Variants in PTPRN2 observed in about 807,000 individuals in gnomAD.
PTPRN2 encodes the protein protein tyrosine phosphatase receptor type N2, also known as receptor-type tyrosine-protein phosphatase N2.
In PTPRN2, 74 loss-of-function variants were observed where a neutral mutation model predicts 118.8. That is an observed-to-expected ratio of 0.62 (90% CI 0.52 to 0.76). The LOEUF (loss-of-function observed/expected upper bound fraction) is 0.76, where lower values mean the gene tolerates loss of function less well. Among genes scored for constraint, PTPRN2 ranks in the 30% least tolerant of loss-of-function variants. PTPRN2 has a pLI of 0.00. For missense variants in PTPRN2, 1,481 were observed against 1,394.4 expected, an observed-to-expected ratio of 1.06 and a Z score of -0.99; for synonymous variants, 641 against 608.0, an observed-to-expected ratio of 1.05 and a Z score of -0.80.
chr7:158,136,027 A>G (rs2150447403), intron 8 of PTPRN2, among the ~76,000 whole-genome samples: 2 of 152,308 alleles, frequency 1.3e-5, no homozygotes, highest in South Asian at 4.1e-4. Flanking sequence ...GCTCGTGGAC[A>G]TCGCCTGCGA....
At chr7:158,225,981 A>T (rs1325680913) in intron 3 of PTPRN2, among the ~76,000 whole-genome samples, 1 of 152,162 alleles carries the variant, frequency 6.6e-6, no homozygotes, top group Non-Finnish European at 1.5e-5. Flanking sequence ...GCATCTGTGC[A>T]CAGTGGGGAG....
chr7:157,555,558 C>T (rs76779935), intron 21 of PTPRN2, among the ~76,000 whole-genome samples: 2,758 of 152,330 alleles, frequency 0.018, 87 homozygotes, highest in African/African-American at 0.064. Flanking sequence ...GGGCCATCGT[C>T]GCCGTCTCCT....
intron 2 of PTPRN2, among the ~76,000 whole-genome samples, chr7:158,392,920 T>C (rs559254680): frequency 1.3e-5 from 2 of 152,276 alleles, no homozygotes; most frequent in South Asian, 2.1e-4. Context: ...AACAGGGTGA[T>C]GAGAACTCCT....
chr7:157,919,829 T>G (rs1415895044), intron 11 of PTPRN2, among the ~76,000 whole-genome samples: 2 of 152,208 alleles, frequency 1.3e-5, no homozygotes, highest in African/African-American at 2.4e-5. Flanking sequence ...CAAGTGGTGG[T>G]CCCATAAGAG....
chr7:158,281,129 C>A (rs1475438940), intron 3 of PTPRN2, among the ~76,000 whole-genome samples: 1 of 152,122 alleles, frequency 6.6e-6, no homozygotes, highest in Admixed American at 6.5e-5. Context: ...CATAGTGAAC[C>A]CCACCTCTAC....
chr7:158,402,721 A>G lies in PTPRN2; in HGVS notation c.164-85789T>C, dbSNP rs369199589. Among the ~76,000 whole-genome samples the G allele has an allele frequency of 2.0e-5, 3 of 152,006 alleles. No homozygotes were observed. In the East Asian group the frequency reaches 5.8e-4, roughly 30 times the overall value. On this transcript the variant is annotated intron_variant, in intron 2 of 22. Coordinates refer to ENST00000389418, the MANE Select transcript of PTPRN2 (RefSeq NM_002847.5). ...TGCAGCTGTCGTGCCTGCTCTCCGG[A>G]CCCTGCGCCCGCCCTAGAGGGATCC... is the stretch of plus-strand genomic sequence containing the variant.
At chr7:157,683,630 T>G (rs1283912835) in intron 12 of PTPRN2, among the ~76,000 whole-genome samples, 2 of 151,970 alleles carry the variant, frequency 1.3e-5, no homozygotes, top group African/African-American at 4.8e-5. Context: ...GGAACTTCAC[T>G]TCTCAGCGAG....
chr7:157,871,956 C>T (rs1430432645), intron 12 of PTPRN2, among the ~76,000 whole-genome samples: 4 of 150,326 alleles, frequency 2.7e-5, no homozygotes, highest in Admixed American at 2.6e-4. Flanking sequence ...CACACACATA[C>T]CCAGCGCTTC....
At chr7:158,234,888 G>A (rs1046537448) in intron 3 of PTPRN2, among the ~76,000 whole-genome samples, 5 of 151,926 alleles carry the variant, frequency 3.3e-5, no homozygotes, top group Admixed American at 1.3e-4. Flanking sequence ...TCAGCCTCCC[G>A]AGTAGCTGGG....
intron 3 of PTPRN2, among the ~76,000 whole-genome samples, chr7:158,238,367 G>A (rs1048909216): frequency 6.6e-6 from 1 of 152,006 alleles, no homozygotes; most frequent in Non-Finnish European, 1.5e-5. Flanking sequence ...AAAGCGGGGG[G>A]TGTGGGTGGC....
intron 2 of PTPRN2, among the ~76,000 whole-genome samples, chr7:158,418,343 C>T (rs1019865336): frequency 2.9e-5 from 4 of 138,904 alleles, no homozygotes; most frequent in Non-Finnish European, 4.7e-5. Flanking sequence ...TCTAGCTCTC[C>T]GTGTCCCGCT....
Position 158,188,505 on chromosome 7 carries a change from C to G in PTPRN2, c.549+3822G>C, listed in dbSNP as rs528695704. Among the ~76,000 whole-genome samples the G allele has an allele frequency of 1.1e-4, 2 of 18,516 alleles. 1 individual carries two copies. The allele number at this position is 18,516 out of a possible 152,430, so 12.1% of individuals were successfully genotyped here. A position where few individuals can be genotyped will look rare whatever the true frequency, so the allele number is the denominator to read the frequency against. ...TGGGGAAGGCCGCCACGCTCGCCCC[C>G]TGATGGGGAAGGCCGCCACGCTCGC... On this transcript the variant is annotated intron_variant, in intron 5 of 22. Transcript: ENST00000389418.
At chr7:157,744,292 A>G (rs1253625019) in intron 12 of PTPRN2, among the ~76,000 whole-genome samples, 3 of 152,164 alleles carry the variant, frequency 2.0e-5, no homozygotes, top group Non-Finnish European at 4.4e-5. Flanking sequence ...CAGCTCTCCC[A>G]GACATCGAAG....
intron 2 of PTPRN2, among the ~76,000 whole-genome samples, chr7:158,377,533 T>C (rs1410632948): frequency 1.3e-5 from 2 of 152,026 alleles, no homozygotes; most frequent in African/African-American, 2.4e-5. Context: ...ACCCCAGCAA[T>C]GCAGAGTGCT....
At chr7:157,814,509 C>CGGGGCAGGACGGGGACAGGCG (rs1293120025) in intron 12 of PTPRN2, among the ~76,000 whole-genome samples, 72 of 122,052 alleles carry the variant, frequency 5.9e-4, no homozygotes, top group Non-Finnish European at 9.7e-4. Flanking sequence ...CGGGGCAGGA[C>CGGGGCAGGACGGGGACAGGCG]GGGGCAGGAC....
intron 3 of PTPRN2, among the ~76,000 whole-genome samples, chr7:158,242,198 G>T (rs114329555): frequency 6.6e-6 from 1 of 152,034 alleles, no homozygotes; most frequent in East Asian, 1.9e-4. Flanking sequence ...CCTCCTCCCC[G>T]CCCCGTCCTC....
chr7:158,160,830 A>G (rs561846624), intron 6 of PTPRN2, among the ~76,000 whole-genome samples: 17 of 152,376 alleles, frequency 1.1e-4, no homozygotes, highest in Admixed American at 2.6e-4. Context: ...CTGAGGGCTT[A>G]TGTCTGCAAA....
At chr7:157,960,708 CA>C (rs913968760) in intron 11 of PTPRN2, among the ~76,000 whole-genome samples, 1 of 152,006 alleles carries the variant, frequency 6.6e-6, no homozygotes, top group Non-Finnish European at 1.5e-5. Flanking sequence ...AAAACAAAAA[CA>C]AAAACAAAAA....
Position 157,831,778 on chromosome 7 carries a change from T to C in PTPRN2, c.1788+66895A>G, listed in dbSNP as rs566401319. Among the ~76,000 whole-genome samples, 3 of 152,260 alleles carry C rather than the reference T, an allele frequency of 2.0e-5. No homozygotes were observed. The South Asian group carries it at 6.2e-4, about 32-fold the overall frequency. ...CTGTCCTCACACCAGCACAGCCCAGTCCTATGACAAGCCTGGCCACGTTAG... is the reference window on the plus strand; with the variant it reads ...CTGTCCTCACACCAGCACAGCCCAGCCCTATGACAAGCCTGGCCACGTTAG... On this transcript the variant is annotated intron_variant, in intron 12 of 22. Coordinates refer to ENST00000389418, the MANE Select transcript of PTPRN2 (RefSeq NM_002847.5). This position sits in a 1 kb window ranked among gnomAD's most constrained non-coding sequence, Gnocchi z 4.8.
Sources: allele counts gnomAD v4.1 joint callset (sites outside exome capture counted in the v4.1 genomes callset), GRCh38; gene constraint gnomAD v4.1.1; non-coding constraint Gnocchi (gnomAD v3.1); transcripts MANE v1.5; gene names NCBI Gene and HGNC (gene_info 2026-07-23, HGNC 2026-07-21).